SLC25A48: variants seen among roughly 807,000 people sequenced by gnomAD.
SLC25A48 encodes the protein CTC-321K16.1.
In SLC25A48, 29 loss-of-function variants were observed where a neutral mutation model predicts 32.2. The ratio of observed to expected loss-of-function variants is 0.90; its 90% CI spans 0.67 to 1.23. The LOEUF is 1.23. SLC25A48 is among the 50% of genes most tolerant of loss of function. The pLI is 0.00. For synonymous variants in SLC25A48, 164 were observed against 172.3 expected, an observed-to-expected ratio of 0.95 and a Z score of 0.38; for missense variants, 399 against 422.7, an observed-to-expected ratio of 0.94 and a Z score of 0.49.
chr5:135,602,804 C>T (rs1751831737), intron 1 of SLC25A48, among the ~76,000 whole-genome samples: 1 of 152,136 alleles, frequency 6.6e-6, no homozygotes, highest in Admixed American at 6.5e-5. Context: ...TGATGTTCCT[C>T]TTCCTGTGTC....
chr5:135,810,362 C>T (rs538948620), intron 3 of SLC25A48, among the ~76,000 whole-genome samples: 1 of 152,098 alleles, frequency 6.6e-6, no homozygotes, highest in African/African-American at 2.4e-5. Context: ...ATTCACTTGC[C>T]AATTACTGTT....
intron 7 of SLC25A48, chr5:135,883,380 T>C (rs982446487): frequency 2.0e-6 from 2 of 985,494 alleles, no homozygotes; most frequent in Non-Finnish European, 1.2e-6. Context: ...ATGGCCATTG[T>C]AAACTCACTG....
intron 4 of SLC25A48, among the ~76,000 whole-genome samples, chr5:135,867,290 G>A (rs1435783761): frequency 1.3e-5 from 2 of 152,300 alleles, no homozygotes; most frequent in South Asian, 2.1e-4. Context: ...CCGGCACCTC[G>A]TAGTCTTCCT....
At chr5:135,729,156 C>T (rs75327373) in intron 3 of SLC25A48, among the ~76,000 whole-genome samples, 1,623 of 152,206 alleles carry the variant, frequency 0.011, 28 homozygotes, top group African/African-American at 0.037. Context: ...CTTCTGGGGC[C>T]CTACTGTAGA....
At chr5:135,707,796 A>G (rs1486562321) in intron 3 of SLC25A48, among the ~76,000 whole-genome samples, 1 of 152,056 alleles carries the variant, frequency 6.6e-6, no homozygotes, top group Non-Finnish European at 1.5e-5. Context: ...TCATGTGTTG[A>G]TTGTCTCTTT....
At chr5:135,823,914 C>T (rs528158220) in intron 4 of SLC25A48, among the ~76,000 whole-genome samples, 1 of 152,164 alleles carries the variant, frequency 6.6e-6, no homozygotes, top group Non-Finnish European at 1.5e-5. Context: ...TGTGGCTGGA[C>T]TGGACAGAGT....
At chr5:135,881,087 G>A (rs912043735) in intron 7 of SLC25A48, among the ~76,000 whole-genome samples, 2 of 152,206 alleles carry the variant, frequency 1.3e-5, no homozygotes, top group Non-Finnish European at 2.9e-5. Context: ...CGGATGGGTG[G>A]ATGACCAACC....
chr5:135,770,301 T>C (rs1486792167), intron 3 of SLC25A48, among the ~76,000 whole-genome samples: 1 of 151,604 alleles, frequency 6.6e-6, no homozygotes, highest in African/African-American at 2.4e-5. Flanking sequence ...TATGATATTG[T>C]TCCTAATATG....
intron 3 of SLC25A48, among the ~76,000 whole-genome samples, chr5:135,714,974 G>T (rs191684989): frequency 6.6e-6 from 1 of 152,144 alleles, no homozygotes; most frequent in Non-Finnish European, 1.5e-5. Context: ...CTGCTGAGTC[G>T]GAGCTTCACC....
At chr5:135,843,892 T>G (rs1759206760) in intron 2 of SLC25A48, among the ~76,000 whole-genome samples, 1 of 152,152 alleles carries the variant, frequency 6.6e-6, no homozygotes. Context: ...GCGTGCCTCC[T>G]GCCAGCCCTG....
chr5:135,816,245 T>A (rs900005688), intron 4 of SLC25A48, among the ~76,000 whole-genome samples: 2 of 152,188 alleles, frequency 1.3e-5, no homozygotes, highest in Admixed American at 1.3e-4. Flanking sequence ...GAGATTAGAT[T>A]TGGGTGGGGA....
At chr5:135,875,516 C>G (rs1192231132) in intron 6 of SLC25A48, 1 of 152,228 alleles carries the variant, frequency 6.6e-6, no homozygotes, top group African/African-American at 2.4e-5. Context: ...ACTGTAAAGT[C>G]CAGCCCTTAG....
intron 1 of SLC25A48, among the ~76,000 whole-genome samples, chr5:135,620,363 T>C (rs975634197): frequency 6.6e-6 from 1 of 151,864 alleles, no homozygotes. Context: ...GGCCACCCAG[T>C]GGTATATATG....
chr5:135,849,259 AG>A (rs886542095), intron 2 of SLC25A48, among the ~76,000 whole-genome samples: 13 of 152,310 alleles, frequency 8.5e-5, no homozygotes, highest in South Asian at 2.1e-4. Context: ...TCTGGGTCTC[AG>A]CCCCTCACTG....
At chr5:135,877,240 C>A (rs190853372) in intron 6 of SLC25A48, among the ~76,000 whole-genome samples, 8 of 152,082 alleles carry the variant, frequency 5.3e-5, no homozygotes, top group Non-Finnish European at 7.3e-5. Context: ...CTACATGGAC[C>A]ATAGCTCTGA....
intron 3 of SLC25A48, among the ~76,000 whole-genome samples, chr5:135,708,299 C>T (rs1270065412): frequency 1.3e-5 from 2 of 152,186 alleles, no homozygotes; most frequent in East Asian, 1.9e-4. Flanking sequence ...CCCCACTTCA[C>T]CTTGCAAAAG....
chr5:135,846,523 C>T (rs1759434158), intron 2 of SLC25A48, among the ~76,000 whole-genome samples: 1 of 152,210 alleles, frequency 6.6e-6, no homozygotes, highest in African/African-American at 2.4e-5. Flanking sequence ...CAGCTCTGAG[C>T]TCTGAGGCTT....
chr5:135,656,681 T>C (rs1256407746), intron 3 of SLC25A48, among the ~76,000 whole-genome samples: 1 of 152,148 alleles, frequency 6.6e-6, no homozygotes, highest in Non-Finnish European at 1.5e-5. Flanking sequence ...TCCTGGAGTA[T>C]GGCAGGCCCT....
At chr5:135,620,445 C>G (rs898277735) in intron 1 of SLC25A48, among the ~76,000 whole-genome samples, 1 of 152,108 alleles carries the variant, frequency 6.6e-6, no homozygotes, top group African/African-American at 2.4e-5. Context: ...GCAGCAGTGT[C>G]CGTGTTTAGT....
Sources: allele counts gnomAD v4.1 joint callset (sites outside exome capture counted in the v4.1 genomes callset), GRCh38; gene constraint gnomAD v4.1.1; transcripts MANE v1.5; gene names NCBI Gene and HGNC (gene_info 2026-07-23, HGNC 2026-07-21).